The following LIMCH1 variants were observed in gnomAD, a reference collection of about 807,000 sequenced individuals.
LIMCH1 encodes LIM and calponin homology domains 1.
Under a neutral mutation model 176.5 loss-of-function variants are expected in LIMCH1, and 113 were observed. The ratio of observed to expected loss-of-function variants is 0.64; its 90% CI spans 0.55 to 0.75. The LOEUF (loss-of-function observed/expected upper bound fraction) is 0.75. Among genes scored for constraint, LIMCH1 ranks in the 30% least tolerant of loss-of-function variants. The pLI is 0.00. For missense variants in LIMCH1, 1,674 were observed against 1,814.9 expected (o/e 0.92, Z 1.41); for synonymous variants, 619 against 645.9 (o/e 0.96, Z 0.63).
At chr4:41,622,114 G>A (rs1458470918) in intron 7 of LIMCH1, among the ~76,000 whole-genome samples, 1 of 152,056 alleles carries the variant, frequency 6.6e-6, no homozygotes, top group Non-Finnish European at 1.5e-5. Flanking sequence ...AGCTCTCTGA[G>A]TTTATTAAAT....
At chr4:41,677,589 G>C (rs1193030124) in intron 23 of LIMCH1, among the ~76,000 whole-genome samples, 2 of 152,046 alleles carry the variant, frequency 1.3e-5, no homozygotes, top group Non-Finnish European at 2.9e-5. Flanking sequence ...ACCCATGTTG[G>C]GTACCTGGGA....
chr4:41,549,832 CA>C (rs1164986262), intron 1 of LIMCH1, among the ~76,000 whole-genome samples: 1 of 152,030 alleles, frequency 6.6e-6, no homozygotes, highest in Non-Finnish European at 1.5e-5. Flanking sequence ...CTTGAAGAAA[CA>C]GATAGAAATC....
chr4:41,541,820 T>G (rs894121219), intron 1 of LIMCH1, among the ~76,000 whole-genome samples: 2 of 152,238 alleles, frequency 1.3e-5, no homozygotes, highest in South Asian at 4.1e-4. Flanking sequence ...GCTTTGGCAG[T>G]GATTTCCACA....
At chr4:41,547,863 G>GTGTATATATATATATATATA (rs774873739) in intron 1 of LIMCH1, among the ~76,000 whole-genome samples, 2 of 93,224 alleles carry the variant, frequency 2.1e-5, no homozygotes, top group African/African-American at 4.4e-5. Context: ...TTGTGTGTGT[G>GTGTATATATATATATATATA]TATATATATA....
intron 1 of LIMCH1, among the ~76,000 whole-genome samples, chr4:41,444,294 G>A (rs997426393): frequency 1.5e-5 from 2 of 135,128 alleles, no homozygotes; most frequent in Non-Finnish European, 3.1e-5. Flanking sequence ...GTATGTGTGT[G>A]AGTGTGTGTG....
At chr4:41,670,882 ATTTCTGGGG>A in intron 21 of LIMCH1, 2 of 1,492,772 alleles carry the variant, frequency 1.3e-6, no homozygotes, top group Admixed American at 2.3e-5. Context: ...TTCATTTCTG[ATTTCTGGGG>A]AAAAAATTAT....
intron 1 of LIMCH1, among the ~76,000 whole-genome samples, chr4:41,465,122 G>A (rs956378815): frequency 2.0e-5 from 3 of 152,086 alleles, no homozygotes; most frequent in Admixed American, 2.0e-4. Context: ...GAGCGGGGAG[G>A]GAATTCTCCA....
At chr4:41,517,851 T>C (rs1159618717) in intron 2 of LIMCH1, among the ~76,000 whole-genome samples, 6 of 151,700 alleles carry the variant, frequency 4.0e-5, no homozygotes, top group Non-Finnish European at 7.4e-5. Flanking sequence ...CCAGGGTACA[T>C]AGTCAAACCC....
In LIMCH1 at chr4:41,570,677, C is replaced by T. The variant is rs150428886; in HGVS notation, c.-240-28243C>T. On this transcript the variant is annotated intron_variant, in intron 1 of 31. Coordinates refer to ENST00000503057, the MANE Select transcript of LIMCH1 (RefSeq NM_001330672.2). ...GAAATGTTTAGTAGGTAGCTCTGGG[C>T]GGACAAGAGGGATTCAAGAATCAAT... Among the ~76,000 whole-genome samples, 437 of 152,164 alleles carry T rather than the reference C, an allele frequency of 2.9e-3. 2 individuals carry two copies. Among genetic ancestry groups the T allele is most frequent in the African/African-American group, 0.01 (425 of 41,500 alleles).
In LIMCH1 at chr4:41,599,459, G is replaced by T. The variant is rs144006159; in HGVS notation, c.-134+433G>T. On this transcript the variant is annotated intron_variant, in intron 2 of 31. Coordinates refer to ENST00000503057, the MANE Select transcript of LIMCH1 (RefSeq NM_001330672.2). ...GGAGAACTTGCTTCTTCATTTACAT[G>T]TGTAACTGTCTTCTCATATGTGTCA... 1.3e-4 allele frequency among the ~76,000 whole-genome samples: 20 copies of T among 152,320 alleles called. No individual in the cohort carries two copies. In the East Asian group the frequency reaches 2.1e-3, roughly 16 times the overall value.
At chr4:41,654,235 A>T (rs2094399306) in intron 18 of LIMCH1, among the ~76,000 whole-genome samples, 1 of 152,132 alleles carries the variant, frequency 6.6e-6, no homozygotes, top group Non-Finnish European at 1.5e-5. Context: ...TTGAATTTTG[A>T]TCTTTTCCTG....
chr4:41,575,470 G>A (rs975957176), intron 1 of LIMCH1, among the ~76,000 whole-genome samples: 3 of 152,078 alleles, frequency 2.0e-5, no homozygotes, highest in Admixed American at 6.6e-5. Context: ...TTCATCATGC[G>A]GATATGACAT....
At chr4:41,504,172 AT>A (rs2073840195) in intron 2 of LIMCH1, among the ~76,000 whole-genome samples, 1 of 152,044 alleles carries the variant, frequency 6.6e-6, no homozygotes, top group Admixed American at 6.5e-5. Context: ...AGGCCCCTCC[AT>A]TTTCAGCTCT....
At chr4:41,644,295 G>T (rs574609108) in intron 14 of LIMCH1, among the ~76,000 whole-genome samples, 1 of 152,288 alleles carries the variant, frequency 6.6e-6, no homozygotes, top group East Asian at 1.9e-4. Flanking sequence ...TTTGGCGTTT[G>T]CGGCAAAAGG....
chr4:41,689,433 C>T (rs1388212006), intron 29 of LIMCH1, 94 bp from the exon 30 acceptor site: 2 of 664,388 alleles, frequency 3.0e-6, no homozygotes, highest in Non-Finnish European at 5.5e-6. Flanking sequence ...CTTAAAAATC[C>T]ATATTTTCAT....
At chr4:41,399,700 T>TTTTTTTTG (rs2058177644) in intron 1 of LIMCH1, among the ~76,000 whole-genome samples, 1 of 147,420 alleles carries the variant, frequency 6.8e-6, no homozygotes, top group Non-Finnish European at 1.5e-5. Flanking sequence ...TTTTTTTTTT[T>TTTTTTTTG]GAGATGGAGT....
At chr4:41,466,405 G>A (rs2066125752) in intron 1 of LIMCH1, among the ~76,000 whole-genome samples, 1 of 152,320 alleles carries the variant, frequency 6.6e-6, no homozygotes, top group African/African-American at 2.4e-5. Flanking sequence ...AGACTCTCTG[G>A]CTGGGGCCAT....
intron 28 of LIMCH1, among the ~76,000 whole-genome samples, chr4:41,687,544 G>T (rs1045711674): frequency 6.6e-6 from 1 of 152,044 alleles, no homozygotes; most frequent in Non-Finnish European, 1.5e-5. Flanking sequence ...TTTAGCGAAT[G>T]AAGAAATTAA....
chr4:41,430,743 T>C (rs1226822813), intron 1 of LIMCH1, among the ~76,000 whole-genome samples: 1 of 152,242 alleles, frequency 6.6e-6, no homozygotes, highest in African/African-American at 2.4e-5. Context: ...CTTGAATCTT[T>C]ATATGTGAAA....
Sources: allele counts gnomAD v4.1 joint callset (sites outside exome capture counted in the v4.1 genomes callset), GRCh38; gene constraint gnomAD v4.1.1; transcripts MANE v1.5; gene names NCBI Gene and HGNC (gene_info 2026-07-23, HGNC 2026-07-21).